Variants in CSMD1 observed in about 807,000 individuals in gnomAD.
CSMD1 encodes the protein CUB and Sushi multiple domains 1.
Under a neutral mutation model 417.5 loss-of-function variants are expected in CSMD1, and 213 were observed. The ratio of observed to expected loss-of-function variants is 0.51; its 90% CI spans 0.46 to 0.57. CSMD1 has a LOEUF of 0.57. Ranked by LOEUF, CSMD1 falls within the 20% of genes least tolerant of loss-of-function variation. The pLI, the probability that CSMD1 is intolerant of heterozygous loss-of-function variation, is 0.00. For missense variants in CSMD1, 6,923 were observed against 4,529.7 expected (o/e 1.53, Z -15.17); for synonymous variants, 2,862 against 1,736.8 (o/e 1.65, Z -16.11).
chr8:4,451,472 C>T (rs540100876), intron 2 of CSMD1, among the ~76,000 whole-genome samples: 1 of 152,134 alleles, frequency 6.6e-6, no homozygotes, highest in Non-Finnish European at 1.5e-5. Flanking sequence ...TCCCACTCTC[C>T]TAAAGCTTAC....
intron 11 of CSMD1, among the ~76,000 whole-genome samples, chr8:3,481,632 T>G (rs375930062): frequency 6.6e-6 from 1 of 152,180 alleles, no homozygotes; most frequent in Admixed American, 6.5e-5. Flanking sequence ...CTGAATGATG[T>G]AGGTGGGCCC....
intron 12 of CSMD1, among the ~76,000 whole-genome samples, chr8:3,435,352 C>A (rs910129734): frequency 1.1e-4 from 16 of 152,258 alleles, no homozygotes; most frequent in Non-Finnish European, 2.4e-4. Context: ...CTGAGTGGTT[C>A]TTCTCCATCA....
At chr8:4,197,533 G>C (rs1403109071) in intron 3 of CSMD1, among the ~76,000 whole-genome samples, 3 of 152,244 alleles carry the variant, frequency 2.0e-5, no homozygotes, top group Non-Finnish European at 2.9e-5. Context: ...TTGCCTGATG[G>C]TCTTCCAACT....
chr8:3,922,696 T>A (rs535280493), intron 5 of CSMD1, among the ~76,000 whole-genome samples: 1 of 152,328 alleles, frequency 6.6e-6, no homozygotes, highest in South Asian at 2.1e-4. Flanking sequence ...TATTTTATGT[T>A]GTTGATATTA....
intron 5 of CSMD1, among the ~76,000 whole-genome samples, chr8:3,820,600 G>A (rs1801677350): frequency 1.3e-5 from 2 of 152,138 alleles, no homozygotes; most frequent in African/African-American, 4.8e-5. Context: ...TTTTGAGATG[G>A]AGTCTTGCTC....
At chr8:3,817,940 G>A (rs1404107969) in intron 5 of CSMD1, among the ~76,000 whole-genome samples, 6 of 152,162 alleles carry the variant, frequency 3.9e-5, no homozygotes, top group Non-Finnish European at 5.9e-5. Context: ...CCTGGTATTA[G>A]CTAAGTGGAT....
At chr8:3,455,697 C>T (rs1028859462) in intron 12 of CSMD1, among the ~76,000 whole-genome samples, 2 of 152,212 alleles carry the variant, frequency 1.3e-5, no homozygotes, top group African/African-American at 2.4e-5. Context: ...GAGTACCTGG[C>T]CATCTGAGGT....
At chr8:4,859,119 G>T (rs1049819963) in intron 1 of CSMD1, among the ~76,000 whole-genome samples, 2 of 151,264 alleles carry the variant, frequency 1.3e-5, no homozygotes, top group Admixed American at 6.6e-5. Context: ...TCACATATCT[G>T]CAACTATCTG....
intron 5 of CSMD1, among the ~76,000 whole-genome samples, chr8:3,854,248 G>A (rs960496889): frequency 2.7e-5 from 4 of 150,340 alleles, no homozygotes; most frequent in East Asian, 1.9e-4. Flanking sequence ...AATCTCAGGA[G>A]TAATACATTT....
chr8:3,155,358 G>GTTTTTTTTT (rs763097673), intron 39 of CSMD1, among the ~76,000 whole-genome samples: 4 of 48,094 alleles, frequency 8.3e-5, no homozygotes, highest in Non-Finnish European at 8.4e-5. Flanking sequence ...TCAAGGCTGG[G>GTTTTTTTTT]ATTTTTTTTT....
chr8:3,188,846 C>A (rs754774012), intron 35 of CSMD1, 41 bp downstream of exon 35: 13 of 1,453,194 alleles, frequency 8.9e-6, no homozygotes, highest in South Asian at 1.5e-5. Flanking sequence ...CCATGGACCC[C>A]AGCTGAGCCC....
At chr8:3,270,746 A>G (rs911362459) in intron 26 of CSMD1, among the ~76,000 whole-genome samples, 2 of 152,132 alleles carry the variant, frequency 1.3e-5, no homozygotes, top group Non-Finnish European at 2.9e-5. Flanking sequence ...GAGGGGAAGG[A>G]ACTTTGCTAT....
At chr8:4,081,246 T>G (rs1210179556) in intron 3 of CSMD1, among the ~76,000 whole-genome samples, 1 of 152,182 alleles carries the variant, frequency 6.6e-6, no homozygotes, top group Non-Finnish European at 1.5e-5. Context: ...AGACAAGCAT[T>G]GTGGTAGCTC....
At chr8:3,429,295 G>C (rs987616420) in intron 12 of CSMD1, among the ~76,000 whole-genome samples, 11 of 152,128 alleles carry the variant, frequency 7.2e-5, no homozygotes, top group African/African-American at 2.4e-4. Context: ...TAAATAAACA[G>C]AAATGATAAT....
At chr8:3,780,737 G>C (rs578132933) in intron 5 of CSMD1, among the ~76,000 whole-genome samples, 7 of 152,278 alleles carry the variant, frequency 4.6e-5, no homozygotes, top group African/African-American at 7.2e-5. Flanking sequence ...TCCACATAAA[G>C]CCCATTTAAT....
chr8:3,343,251 G>A (rs746303222), intron 23 of CSMD1, 43 bp downstream of exon 23: 2 of 1,562,568 alleles, frequency 1.3e-6, no homozygotes, highest in East Asian at 4.5e-5. Context: ...GATATGTCCT[G>A]ACAAAATGAA....
chr8:4,157,390 G>A (rs1306657513), intron 3 of CSMD1, among the ~76,000 whole-genome samples: 1 of 152,106 alleles, frequency 6.6e-6, no homozygotes, highest in African/African-American at 2.4e-5. Context: ...CCAGCTCAAA[G>A]GTTGAATTGA....
intron 2 of CSMD1, among the ~76,000 whole-genome samples, chr8:4,477,468 T>C (rs983656200): frequency 2.6e-5 from 4 of 152,214 alleles, no homozygotes; most frequent in African/African-American, 4.8e-5. Flanking sequence ...TTTTCAGATA[T>C]TTATATTTAA....
intron 3 of CSMD1, among the ~76,000 whole-genome samples, chr8:4,181,450 T>A (rs1798369269): frequency 6.6e-6 from 1 of 152,070 alleles, no homozygotes; most frequent in South Asian, 2.1e-4. Flanking sequence ...AAGAACTGTC[T>A]TGGGTCACAC....
Sources: allele counts gnomAD v4.1 joint callset (sites outside exome capture counted in the v4.1 genomes callset), GRCh38; gene constraint gnomAD v4.1.1; transcripts MANE v1.5; gene names NCBI Gene and HGNC (gene_info 2026-07-23, HGNC 2026-07-21).